Variants in PTPRE observed in about 807,000 individuals in gnomAD.
PTPRE encodes protein tyrosine phosphatase receptor type E.
A neutral mutation model predicts 102.0 loss-of-function variants in PTPRE; 51 were observed. That is an observed-to-expected ratio of 0.50 (90% CI 0.40 to 0.63). PTPRE has a LOEUF of 0.63. Among genes scored for constraint, PTPRE ranks in the 30% least tolerant of loss-of-function variants. The pLI is 0.00. For missense variants in PTPRE, 752 were observed against 915.1 expected (o/e 0.82, Z 2.30); for synonymous variants, 345 against 348.2 (o/e 0.99, Z 0.10).
intron 2 of PTPRE, among the ~76,000 whole-genome samples, chr10:128,002,112 G>A (rs1853975743): frequency 6.6e-6 from 1 of 152,196 alleles, no homozygotes; most frequent in Admixed American, 6.5e-5. Flanking sequence ...CCAGTTGTGG[G>A]GACCTCCGGG....
At chr10:127,968,099 G>A (rs1328572677) in intron 1 of PTPRE, among the ~76,000 whole-genome samples, 1 of 150,604 alleles carries the variant, frequency 6.6e-6, no homozygotes, top group South Asian at 2.1e-4. Flanking sequence ...CAAAAGGCAG[G>A]TTCACATGGT....
At chr10:128,075,817 T>A (rs1425127080) in intron 17 of PTPRE, among the ~76,000 whole-genome samples, 3 of 152,220 alleles carry the variant, frequency 2.0e-5, no homozygotes, top group African/African-American at 7.2e-5. Context: ...CCCCATCACT[T>A]CATATATTTG....
At chr10:128,013,610 G>A (rs982748873) in intron 2 of PTPRE, among the ~76,000 whole-genome samples, 3 of 152,270 alleles carry the variant, frequency 2.0e-5, no homozygotes, top group East Asian at 3.9e-4. Context: ...TTGAGGAGGC[G>A]GGGCCTTGGG....
At chr10:128,078,241 G>A (rs1328356561) in intron 19 of PTPRE, among the ~76,000 whole-genome samples, 4 of 152,298 alleles carry the variant, frequency 2.6e-5, no homozygotes, top group South Asian at 2.1e-4. Flanking sequence ...TTGTAGCCAC[G>A]CTGGTCCTGC....
intron 19 of PTPRE, 83 bp from the exon 20 acceptor site, chr10:128,079,477 A>ATG (rs1554950679): frequency 3.9e-6 from 6 of 1,526,670 alleles, no homozygotes; most frequent in Non-Finnish European, 4.4e-6. Flanking sequence ...CAGTGCTGAT[A>ATG]TGCAGGGGTT....
chr10:127,922,257 T>C (rs564776786), intron 1 of PTPRE, among the ~76,000 whole-genome samples: 155 of 152,348 alleles, frequency 1.0e-3, no homozygotes, highest in Non-Finnish European at 1.9e-3. Context: ...TTAACACATG[T>C]GAATGGAAGG....
chr10:128,036,606 G>A (rs1847240596), intron 2 of PTPRE, among the ~76,000 whole-genome samples: 1 of 151,868 alleles, frequency 6.6e-6, no homozygotes, highest in African/African-American at 2.4e-5. Context: ...AATGAATGAT[G>A]CTCCCTCCCA....
chr10:128,056,422 G>T (rs992614177), intron 7 of PTPRE, among the ~76,000 whole-genome samples: 1 of 152,176 alleles, frequency 6.6e-6, no homozygotes, highest in Admixed American at 6.5e-5. Context: ...GTTGCTCGTG[G>T]GTCTGGCTGC....
intron 2 of PTPRE, among the ~76,000 whole-genome samples, chr10:127,987,112 TC>T (rs1406641647): frequency 3.9e-5 from 6 of 151,938 alleles, no homozygotes; most frequent in African/African-American, 1.5e-4. Context: ...CAGTCCTCCC[TC>T]CCCCCGGAAA....
intron 1 of PTPRE, among the ~76,000 whole-genome samples, chr10:127,962,904 G>C (rs1849939486): frequency 6.6e-6 from 1 of 152,222 alleles, no homozygotes; most frequent in African/African-American, 2.4e-5. Context: ...TTGCATCCCA[G>C]GAACCAGGGG....
chr10:127,985,995 G>T (rs1301234966), intron 2 of PTPRE, among the ~76,000 whole-genome samples: 3 of 152,076 alleles, frequency 2.0e-5, no homozygotes, highest in Non-Finnish European at 4.4e-5. Context: ...AGAGGCTGAG[G>T]CATGAGAATT....
intron 17 of PTPRE, among the ~76,000 whole-genome samples, chr10:128,074,436 C>G (rs573319012): frequency 1.3e-5 from 2 of 152,178 alleles, no homozygotes; most frequent in South Asian, 4.1e-4. Context: ...GAGTCCAAGG[C>G]GGGCAGATCA....
intron 1 of PTPRE, among the ~76,000 whole-genome samples, chr10:127,910,122 A>G (rs1026896652): frequency 6.6e-6 from 1 of 152,226 alleles, no homozygotes; most frequent in Non-Finnish European, 1.5e-5. Flanking sequence ...TGTATCCATT[A>G]GGGTAAAGAC....
Position 127,955,182 on chromosome 10 carries a change from T to C in PTPRE, c.-30-27092T>C, listed in dbSNP as rs931470186. On this transcript the variant is annotated intron_variant, in intron 1 of 20. Coordinates refer to ENST00000254667, the MANE Select transcript of PTPRE (RefSeq NM_006504.6). ...TCAATTGGAAGTTACAACAAACCAA[T>C]CTAGGCAGGACAAGTAATAGCCCAG... is the stretch of plus-strand genomic sequence containing the variant. 7.2e-5 allele frequency among the ~76,000 whole-genome samples: 11 copies of C among 152,142 alleles called. No homozygotes were observed. The East Asian group carries it at 2.1e-3, about 29-fold the overall frequency.
chr10:127,981,996 G>A (rs1341648174), intron 1 of PTPRE, among the ~76,000 whole-genome samples: 1 of 152,160 alleles, frequency 6.6e-6, no homozygotes, highest in Non-Finnish European at 1.5e-5. Context: ...AGCAGAGGCA[G>A]CTGACTGATG....
At chr10:128,004,787 A>G (rs926440240) in intron 2 of PTPRE, among the ~76,000 whole-genome samples, 1 of 152,182 alleles carries the variant, frequency 6.6e-6, no homozygotes, top group Admixed American at 6.5e-5. Context: ...ACATCATTTT[A>G]TGGTTAAATT....
At chr10:127,946,636 G>A (rs1311976462) in intron 1 of PTPRE, among the ~76,000 whole-genome samples, 1 of 152,208 alleles carries the variant, frequency 6.6e-6, no homozygotes, top group Non-Finnish European at 1.5e-5. Flanking sequence ...CTGTAATTGT[G>A]GGTACAGGGA....
intron 5 of PTPRE, among the ~76,000 whole-genome samples, chr10:128,048,568 A>T (rs891816938): frequency 4.6e-5 from 7 of 152,176 alleles, no homozygotes; most frequent in African/African-American, 1.7e-4. Flanking sequence ...ACAAGGACCC[A>T]GCTGAAATGT....
At chr10:128,066,498 G>T (rs572550802) in intron 11 of PTPRE, among the ~76,000 whole-genome samples, 32 of 152,326 alleles carry the variant, frequency 2.1e-4, no homozygotes, top group Admixed American at 1.1e-3. Flanking sequence ...TCCTCCCTCA[G>T]TAGCACAGTG....
Sources: gnomAD v4.1 joint callset for allele counts (sites outside exome capture counted in the v4.1 genomes callset) on GRCh38, gnomAD v4.1.1 for gene constraint, MANE v1.5 for transcripts, NCBI Gene and HGNC (gene_info 2026-07-23, HGNC 2026-07-21) for gene names.